RORA: variants seen among roughly 807,000 people sequenced by gnomAD.
The protein encoded by RORA is RAR related orphan receptor A, also known as nuclear receptor ROR-alpha.
A neutral mutation model predicts 69.5 loss-of-function variants in RORA; 7 were observed. The ratio of observed to expected loss-of-function variants is 0.10; its 90% CI spans 0.06 to 0.19. RORA has a LOEUF of 0.19. RORA is among the 10% of genes least tolerant of loss of function. The pLI, the probability that RORA is intolerant of heterozygous loss-of-function variation, is 1.00. For missense variants in RORA, 457 were observed against 663.0 expected, an observed-to-expected ratio of 0.69 and a Z score of 3.41; for synonymous variants, 261 against 240.8, an observed-to-expected ratio of 1.08 and a Z score of -0.78.
At chr15:60,699,739 G>C (rs776907148) in intron 1 of RORA, among the ~76,000 whole-genome samples, 1 of 152,080 alleles carries the variant, frequency 6.6e-6, no homozygotes, top group Non-Finnish European at 1.5e-5. Flanking sequence ...TGGTATAACA[G>C]GAAGTTTCAC....
At chr15:61,044,085 G>A (rs185034396) in intron 1 of RORA, among the ~76,000 whole-genome samples, 23 of 151,912 alleles carry the variant, frequency 1.5e-4, no homozygotes, top group African/African-American at 5.6e-4. Flanking sequence ...TTTTAATGAA[G>A]CAGGATGGGC....
At chr15:60,547,737 T>G (rs1415888611) in intron 2 of RORA, 1 of 151,816 alleles carries the variant, frequency 6.6e-6, no homozygotes, top group African/African-American at 2.4e-5. Flanking sequence ...CTAGGAGAAC[T>G]ATGGCCACTA....
At chr15:60,840,261 A>G (rs2073178316) in intron 1 of RORA, among the ~76,000 whole-genome samples, 1 of 152,338 alleles carries the variant, frequency 6.6e-6, no homozygotes, top group Admixed American at 6.5e-5. Flanking sequence ...GAGGGAAAGG[A>G]AGGATGCCTA....
intron 2 of RORA, among the ~76,000 whole-genome samples, chr15:60,660,070 A>C (rs933097792): frequency 2.0e-5 from 3 of 152,320 alleles, no homozygotes; most frequent in East Asian, 3.9e-4. Context: ...ATCATCTAAA[A>C]ATTTTTTTTT....
At chr15:61,227,920 C>T (rs192693808) in intron 1 of RORA, among the ~76,000 whole-genome samples, 100 of 152,310 alleles carry the variant, frequency 6.6e-4, no homozygotes, top group African/African-American at 2.3e-3. Context: ...AATAATCCCC[C>T]ACTCTCGAGA....
At chr15:60,948,594 A>G (rs1892977088) in intron 1 of RORA, among the ~76,000 whole-genome samples, 1 of 152,194 alleles carries the variant, frequency 6.6e-6, no homozygotes, top group East Asian at 1.9e-4. Context: ...AACACTTATG[A>G]CCCTACTGTG....
chr15:60,954,392 T>C (rs1442738948), intron 1 of RORA, among the ~76,000 whole-genome samples: 3 of 148,704 alleles, frequency 2.0e-5, no homozygotes, highest in Non-Finnish European at 3.0e-5. Flanking sequence ...TATATACATA[T>C]GTAACTAACC....
chr15:60,770,003 T>C (rs775947039), intron 1 of RORA, among the ~76,000 whole-genome samples: 46 of 152,260 alleles, frequency 3.0e-4, no homozygotes, highest in Admixed American at 5.9e-4. Context: ...CTATAACCTG[T>C]TTTGAGTTTT....
intron 2 of RORA, among the ~76,000 whole-genome samples, chr15:60,661,012 A>G (rs2070295023): frequency 6.6e-6 from 1 of 150,950 alleles, no homozygotes; most frequent in South Asian, 2.1e-4. Flanking sequence ...ATCCATAATA[A>G]GGGCGTGTAA....
In RORA at chr15:61,182,145, T is replaced by C. The variant is rs138600031; in HGVS notation, c.166+46908A>G. Among the ~76,000 whole-genome samples the C allele has an allele frequency of 4.1e-3, 619 of 152,316 alleles. 2 individuals carry two copies. The highest frequency in any genetic ancestry group is 0.014 in the African/African-American group (602 of 41,568). On this transcript the variant is annotated intron_variant, in intron 1 of 10. Coordinates refer to ENST00000335670, the MANE Select transcript of RORA (RefSeq NM_134261.3). ...GTTTTCCTTATTAGAGGTAGAGTTT[T>C]AGCCAAGAAGGAAATCTCACCATGG...
intron 1 of RORA, among the ~76,000 whole-genome samples, chr15:60,738,626 C>A (rs538994543): frequency 6.6e-6 from 1 of 152,344 alleles, no homozygotes; most frequent in East Asian, 1.9e-4. Context: ...TTCTTACATT[C>A]ATTTTTGTCC....
intron 1 of RORA, among the ~76,000 whole-genome samples, chr15:61,093,955 T>A (rs944776722): frequency 6.6e-6 from 1 of 152,144 alleles, no homozygotes; most frequent in Non-Finnish European, 1.5e-5. Flanking sequence ...ATTACAAACT[T>A]CTCTGCTTCC....
intron 1 of RORA, among the ~76,000 whole-genome samples, chr15:60,992,789 CT>C (rs529114913): frequency 6.6e-6 from 1 of 152,322 alleles, no homozygotes; most frequent in South Asian, 2.1e-4. Context: ...AAAAGTCAAT[CT>C]GTGCTTTAAA....
intron 1 of RORA, among the ~76,000 whole-genome samples, chr15:60,891,874 C>T (rs1439458000): frequency 2.0e-5 from 3 of 152,214 alleles, no homozygotes; most frequent in Non-Finnish European, 4.4e-5. Context: ...TGGTCACCAC[C>T]TCCTGGATGC....
At position 60,603,385 on chromosome 15, in the gene RORA, T is replaced by C. The variant is rs202169479; in HGVS notation, c.197-71534A>G. ...TGCCATTTTGCATTCCTATCAGCAA[T>C]GTATGAGAGTTCCAGTTGCTCCATA... On this transcript the variant is annotated intron_variant, in intron 2 of 10. Transcript: ENST00000335670. 9.8e-5 allele frequency among the ~76,000 whole-genome samples: 15 copies of C among 152,336 alleles called. No individual in the cohort carries two copies. In the East Asian group the frequency reaches 2.1e-3, roughly 22 times the overall value.
intron 1 of RORA, among the ~76,000 whole-genome samples, chr15:61,107,839 A>G (rs1354347109): frequency 6.6e-6 from 1 of 152,118 alleles, no homozygotes; most frequent in East Asian, 1.9e-4. Context: ...ACCGAATCCC[A>G]GAGAGAATAC....
chr15:60,947,180 C>T (rs1452071330), intron 1 of RORA, among the ~76,000 whole-genome samples: 1 of 152,224 alleles, frequency 6.6e-6, no homozygotes, highest in South Asian at 2.1e-4. Context: ...GCCGCCACCC[C>T]GTCTGGGAGG....
At chr15:60,899,247 G>A (rs1356898872) in intron 1 of RORA, among the ~76,000 whole-genome samples, 2 of 152,170 alleles carry the variant, frequency 1.3e-5, no homozygotes, top group African/African-American at 4.8e-5. Context: ...GCATATACCA[G>A]TTTCAAACAC....
intron 1 of RORA, among the ~76,000 whole-genome samples, chr15:60,756,978 T>G (rs2071810734): frequency 6.6e-6 from 1 of 152,218 alleles, no homozygotes; most frequent in Non-Finnish European, 1.5e-5. Context: ...AAATACTATA[T>G]TCAATTAATT....
Sources: allele counts gnomAD v4.1 joint callset (sites outside exome capture counted in the v4.1 genomes callset), GRCh38; gene constraint gnomAD v4.1.1; transcripts MANE v1.5; gene names NCBI Gene and HGNC (gene_info 2026-07-23, HGNC 2026-07-21).